Variants in DNAH11 observed in about 807,000 individuals in gnomAD.
DNAH11 encodes the protein axonemal beta dynein heavy chain 11.
A neutral mutation model predicts 526.0 loss-of-function variants in DNAH11; 442 were observed. That is an observed-to-expected ratio of 0.84 (90% CI 0.78 to 0.91). The LOEUF is 0.91. Ranked by LOEUF, DNAH11 falls within the 40% of genes least tolerant of loss-of-function variation. The pLI is 0.00. For missense variants in DNAH11, 6,989 were observed against 5,448.7 expected (o/e 1.28, Z -8.90); for synonymous variants, 2,461 against 1,935.9 (o/e 1.27, Z -7.12).
chr7:21,566,815 ATCAC>A (rs1783688822), intron 6 of DNAH11, among the ~76,000 whole-genome samples: 8 of 152,194 alleles, frequency 5.3e-5, no homozygotes, highest in Admixed American at 5.2e-4. Context: ...CTGGAGTTTT[ATCAC>A]TCTATTATTA....
At chr7:21,641,369 A>G (rs945255951) in intron 28 of DNAH11, among the ~76,000 whole-genome samples, 3 of 152,060 alleles carry the variant, frequency 2.0e-5, no homozygotes, top group Admixed American at 1.3e-4. Context: ...CTTCCTCCCT[A>G]TGGTACTTTC....
chr7:21,727,043 C>A (rs1332385293), intron 45 of DNAH11, among the ~76,000 whole-genome samples: 1 of 140,334 alleles, frequency 7.1e-6, no homozygotes, highest in Non-Finnish European at 1.5e-5. Context: ...AAGTGACTCT[C>A]CTGCCTCAGA....
intron 76 of DNAH11, among the ~76,000 whole-genome samples, chr7:21,889,646 T>C (rs7778522): frequency 0.053 from 8,068 of 152,326 alleles, 267 homozygotes; most frequent in Non-Finnish European, 0.068. Context: ...CCCTGAAGAC[T>C]AACAATGTTG....
intron 66 of DNAH11, among the ~76,000 whole-genome samples, chr7:21,843,285 CAT>C (rs1562579128): frequency 6.6e-6 from 1 of 151,940 alleles, no homozygotes; most frequent in Non-Finnish European, 1.5e-5. Flanking sequence ...AAAATACTGA[CAT>C]AGAAAATAGA....
intron 68 of DNAH11, among the ~76,000 whole-genome samples, chr7:21,859,928 A>C (rs978113649): frequency 3.3e-5 from 5 of 152,200 alleles, no homozygotes; most frequent in African/African-American, 1.2e-4. Context: ...TTTTAAAATA[A>C]GGACATAAGT....
chr7:21,713,819 A>G (rs1784548414), intron 42 of DNAH11, among the ~76,000 whole-genome samples: 1 of 152,098 alleles, frequency 6.6e-6, no homozygotes, highest in African/African-American at 2.4e-5. Flanking sequence ...CCTTTATTGG[A>G]TATGTTTTGG....
intron 22 of DNAH11, among the ~76,000 whole-genome samples, chr7:21,616,904 C>T (rs925132664): frequency 6.6e-6 from 1 of 152,144 alleles, no homozygotes; most frequent in Admixed American, 6.5e-5. Flanking sequence ...TTAAAAGTGA[C>T]AGGACCATTT....
intron 22 of DNAH11, among the ~76,000 whole-genome samples, chr7:21,616,699 C>A (rs1432911143): frequency 6.6e-6 from 1 of 152,150 alleles, no homozygotes; most frequent in Admixed American, 6.5e-5. Flanking sequence ...CATGCCACCT[C>A]TGGATTTATG....
chr7:21,738,739 A>G lies in DNAH11; in HGVS notation c.7684A>G (p.Asn2562Asp). 3.2e-6 allele frequency: 5 copies of G among 1,584,952 alleles called. No homozygotes were observed. Among genetic ancestry groups the G allele is most frequent in the Non-Finnish European group, 4.3e-6 (5 of 1,165,122 alleles). The part of the protein sequence containing the change: ...EKPLEKKAGH[N>D]YGPGGNKKLI... ...ACCCCTAGAGAAAAAAGCTGGTCATAACTATGGTCCTGGAGGAAATAAAAA... is the reference window on the plus strand; with the variant it reads ...ACCCCTAGAGAAAAAAGCTGGTCATGACTATGGTCCTGGAGGAAATAAAAA... The change falls in exon 47 of 82, where the codon AAC becomes GAC. Residue 2562 changes from asparagine (N) to aspartate (D), a missense_variant. Coordinates refer to ENST00000409508, the MANE Select transcript of DNAH11 (RefSeq NM_001277115.2).
Position 21,614,740 on chromosome 7 carries a change from A to C in DNAH11, c.3853-374A>C, listed in dbSNP as rs11974291. Among the ~76,000 whole-genome samples, 1,227 of 152,284 alleles carry C rather than the reference A, an allele frequency of 8.1e-3. 15 individuals are homozygous for C. Among genetic ancestry groups the C allele is most frequent in the African/African-American group, 0.028 (1,144 of 41,558 alleles). On this transcript the variant is annotated intron_variant, in intron 20 of 81. Coordinates refer to ENST00000409508, the MANE Select transcript of DNAH11 (RefSeq NM_001277115.2). ...TTTAATAAACTAAGTCATTACTTAA[A>C]ATATAATTCATTCTTACATGGAAGT...
intron 36 of DNAH11, among the ~76,000 whole-genome samples, chr7:21,700,685 A>G (rs1201569007): frequency 1.3e-5 from 2 of 152,220 alleles, no homozygotes; most frequent in African/African-American, 4.8e-5. Context: ...CACTATTTAC[A>G]GTAGCAAAGA....
At chr7:21,580,686 C>G (rs572965792) in intron 8 of DNAH11, among the ~76,000 whole-genome samples, 9 of 152,334 alleles carry the variant, frequency 5.9e-5, no homozygotes, top group African/African-American at 1.9e-4. Flanking sequence ...AGGAGTCTCT[C>G]TCAGGCCTCT....
intron 44 of DNAH11, 131 bp downstream of exon 44, chr7:21,720,987 A>G: frequency 8.6e-7 from 1 of 1,161,710 alleles, no homozygotes; most frequent in Non-Finnish European, 1.1e-6. Context: ...GTTCTCTCCT[A>G]AGTCTATGCA....
intron 25 of DNAH11, among the ~76,000 whole-genome samples, chr7:21,633,910 G>A (rs1437084388): frequency 6.6e-6 from 1 of 152,210 alleles, no homozygotes; most frequent in African/African-American, 2.4e-5. Flanking sequence ...CCATTCAAAG[G>A]TAATGTTAAG....
intron 79 of DNAH11, among the ~76,000 whole-genome samples, chr7:21,898,213 C>G (rs1784597334): frequency 6.6e-6 from 1 of 152,170 alleles, no homozygotes; most frequent in Admixed American, 6.5e-5. Flanking sequence ...CTTTGCTTTT[C>G]TCATTCGCCT....
At chr7:21,743,578 A>C (rs1291514225) in intron 49 of DNAH11, among the ~76,000 whole-genome samples, 2 of 152,222 alleles carry the variant, frequency 1.3e-5, no homozygotes, top group African/African-American at 4.8e-5. Context: ...TTTCAGTATC[A>C]CTCCACAACT....
At chr7:21,612,761 C>T (rs987597256) in intron 20 of DNAH11, among the ~76,000 whole-genome samples, 3 of 152,004 alleles carry the variant, frequency 2.0e-5, no homozygotes, top group Non-Finnish European at 4.4e-5. Context: ...GTCTTTCTCA[C>T]GTACATATAG....
chr7:21,894,917 C>G lies in DNAH11; in HGVS notation c.12967C>G (p.Gln4323Glu). Residue 4323 changes from glutamine (Q) to glutamate (E), a missense_variant, in exon 79 of 82, where the codon CAG becomes GAG. Transcript: ENST00000409508. The stretch of plus-strand genomic sequence containing the variant: ...GGCATTATCTCCTGCTGTGGAAGCC[C>G]AGCAGTTTGCATTGAGTTATGACAC... ...ELALSPAVEA[Q>E]QFALSYDTVP... is the part of the protein sequence containing the mutation. 6.2e-7 allele frequency: 1 copy of G among 1,614,002 alleles called. No homozygotes were observed. The highest frequency in any genetic ancestry group is 8.5e-7 in the Non-Finnish European group (1 of 1,179,890).
chr7:21,594,436 CAAGTG>C (rs968164219), intron 14 of DNAH11, among the ~76,000 whole-genome samples: 11 of 152,072 alleles, frequency 7.2e-5, no homozygotes, highest in Admixed American at 7.2e-4. Context: ...GAACTTGAAT[CAAGTG>C]AGGAGAGAGA....
Sources: allele counts gnomAD v4.1 joint callset (sites outside exome capture counted in the v4.1 genomes callset), GRCh38; gene constraint gnomAD v4.1.1; transcripts MANE v1.5; gene names NCBI Gene and HGNC (gene_info 2026-07-23, HGNC 2026-07-21).